ASTN1: variants seen among roughly 807,000 people sequenced by gnomAD.
The protein encoded by ASTN1 is astrotactin-1.
ASTN1 carries 41 observed loss-of-function variants against 140.7 expected under a neutral mutation model. That is an observed-to-expected ratio of 0.29 (90% CI 0.23 to 0.38). ASTN1 has a LOEUF of 0.38. ASTN1 is among the 10% of genes least tolerant of loss of function. The pLI, the probability that ASTN1 is intolerant of heterozygous loss-of-function variation, is 1.00. For missense variants in ASTN1, 1,479 were observed against 1,678.8 expected (o/e 0.88, Z 2.08); for synonymous variants, 640 against 652.2 (o/e 0.98, Z 0.29).
In ASTN1 at chr1:177,103,967, C is replaced by T. The variant is rs180728792; in HGVS notation, c.284-42702G>A. Reference sequence around the variant, plus strand: ...CCCTAGGCCAACTCAGTAAGAAATCCAAACCATGGTGCTGCTTGGGAGTTA... The same window carrying T: ...CCCTAGGCCAACTCAGTAAGAAATCTAAACCATGGTGCTGCTTGGGAGTTA... On this transcript the variant is annotated intron_variant, in intron 1 of 22. Transcript: ENST00000361833. 2.2e-4 allele frequency among the ~76,000 whole-genome samples: 34 copies of T among 152,208 alleles called. No homozygotes were observed. The East Asian group carries it at 6.6e-3, about 29-fold the overall frequency.
At chr1:176,859,963 G>A (rs1244085725), downstream of ASTN1, among the ~76,000 whole-genome samples, 1 of 152,060 alleles carries the variant, frequency 6.6e-6, no homozygotes. Context: ...CCAGTCTTGG[G>A]GTCTCAATAC....
intron 1 of ASTN1, among the ~76,000 whole-genome samples, chr1:177,080,445 T>C (rs1433522479): frequency 6.6e-6 from 1 of 152,320 alleles, no homozygotes; most frequent in African/African-American, 2.4e-5. Context: ...TATTAAATAA[T>C]TGCATAAAAT....
chr1:177,033,278 C>A (rs181031216), intron 2 of ASTN1, among the ~76,000 whole-genome samples: 10 of 152,138 alleles, frequency 6.6e-5, no homozygotes, highest in Admixed American at 6.5e-4. Flanking sequence ...TGGTTTCTTC[C>A]TGTCTCACGT....
At chr1:177,033,480 T>C (rs1156402436) in intron 2 of ASTN1, among the ~76,000 whole-genome samples, 1 of 152,214 alleles carries the variant, frequency 6.6e-6, no homozygotes, top group African/African-American at 2.4e-5. Flanking sequence ...AAAGCTGTTC[T>C]CAGCATAACC....
At chr1:177,137,124 G>A (rs972484) in intron 1 of ASTN1, among the ~76,000 whole-genome samples, 42,537 of 152,022 alleles carry the variant, frequency 0.28, 10,131 homozygotes, top group African/African-American at 0.65. Flanking sequence ...GAAAGTATAA[G>A]GAAGAAGTTT....
At chr1:177,028,937 TGTG>T (rs1175261998) in intron 5 of ASTN1, among the ~76,000 whole-genome samples, 1 of 152,090 alleles carries the variant, frequency 6.6e-6, no homozygotes, top group Non-Finnish European at 1.5e-5. Flanking sequence ...ACTCCGCTGG[TGTG>T]GTGGTGATAC....
At chr1:177,051,094 ATTTCACC>A (rs770262873) in intron 2 of ASTN1, among the ~76,000 whole-genome samples, 75 of 152,258 alleles carry the variant, frequency 4.9e-4, no homozygotes, top group Non-Finnish European at 8.7e-4. Context: ...ATGTGCTTGC[ATTTCACC>A]TGAATTTGTG....
intron 8 of ASTN1, among the ~76,000 whole-genome samples, chr1:177,000,316 A>T (rs1045377474): frequency 4.6e-5 from 7 of 152,210 alleles, no homozygotes; most frequent in Non-Finnish European, 7.3e-5. Context: ...AGAAACAGGC[A>T]TGCCATATTT....
At chr1:177,119,959 C>G (rs535040428) in intron 1 of ASTN1, among the ~76,000 whole-genome samples, 1 of 152,222 alleles carries the variant, frequency 6.6e-6, no homozygotes, top group South Asian at 2.1e-4. Context: ...CATATAGAAG[C>G]CAGGTGCCTT....
At chr1:177,150,397 G>A (rs1267604095) in intron 1 of ASTN1, among the ~76,000 whole-genome samples, 1 of 152,078 alleles carries the variant, frequency 6.6e-6, no homozygotes, top group African/African-American at 2.4e-5. Flanking sequence ...ATGTAAATTT[G>A]GGAAATTGAT....
downstream of ASTN1, among the ~76,000 whole-genome samples, chr1:176,858,578 A>G (rs1404176493): frequency 6.6e-6 from 1 of 152,220 alleles, no homozygotes; most frequent in Admixed American, 6.5e-5. Flanking sequence ...ACGGAGTGAG[A>G]GTCACAATTT....
At chr1:177,041,290 GCA>G (rs1676957542) in intron 2 of ASTN1, among the ~76,000 whole-genome samples, 1 of 152,200 alleles carries the variant, frequency 6.6e-6, no homozygotes, top group Non-Finnish European at 1.5e-5. Context: ...ATCATGGATG[GCA>G]CCCCAATCAG....
At chr1:176,922,594 TG>T (rs1314673453) in intron 16 of ASTN1, among the ~76,000 whole-genome samples, 1 of 117,322 alleles carries the variant, frequency 8.5e-6, no homozygotes, top group Non-Finnish European at 1.8e-5. Context: ...CTCACATGGG[TG>T]GGAGAAGTGG....
In ASTN1 at chr1:176,884,344, T is replaced by C. The variant is rs143925375; in HGVS notation, c.3221A>G (p.Glu1074Gly). Reference sequence around the variant, plus strand: ...ATGAAGTAGAAGGTGCTCACCTGTCTCCACTTTGGAGTGGTCCATCCTGTC... The same window carrying C: ...ATGAAGTAGAAGGTGCTCACCTGTCCCCACTTTGGAGTGGTCCATCCTGTC... ...VTDRMDHSKVETETVLSFVDD... is the reference protein window; with the variant it reads ...VTDRMDHSKVGTETVLSFVDD... Residue 1074 changes from glutamate to glycine, a missense_variant, in exon 19 of 23, where the codon GAG becomes GGG. By Grantham distance (98) the Glu-to-Gly change is moderately conservative. Around this residue, in one of 3 missense-constraint regions of ASTN1, gnomAD observed 746 missense variants for 800.9 expected, o/e 0.93. Transcript: ENST00000361833. 7 of 1,613,570 alleles carry C rather than the reference T, an allele frequency of 4.3e-6. No individual in the cohort carries two copies. In the East Asian group the frequency reaches 1.6e-4, roughly 36 times the overall value.
chr1:176,926,872 A>G (rs1351992837), intron 16 of ASTN1, among the ~76,000 whole-genome samples: 1 of 152,212 alleles, frequency 6.6e-6, no homozygotes, highest in Admixed American at 6.5e-5. Context: ...TGAAATACAC[A>G]AGGACAGGTC....
intron 1 of ASTN1, among the ~76,000 whole-genome samples, chr1:177,085,327 T>A (rs549627992): frequency 6.6e-6 from 1 of 152,332 alleles, no homozygotes; most frequent in Admixed American, 6.5e-5. Flanking sequence ...TGGTTGTATA[T>A]GTTGGAGTAG....
At position 176,862,719 on chromosome 1, in the gene ASTN1, G is replaced by T. The variant is rs1668008341; in HGVS notation, c.*1565C>A. The T allele has an allele frequency of 1.1e-5, 10 of 918,688 alleles. No individual in the cohort carries two copies. The highest frequency in any genetic ancestry group is 1.2e-5 in the Non-Finnish European group (9 of 769,304). 56.9% of individuals were successfully genotyped at this position (918,688 alleles called of 1,614,324 possible). On this transcript the variant is annotated 3_prime_UTR_variant, in exon 23 of 23. Coordinates refer to ENST00000361833, the MANE Select transcript of ASTN1 (RefSeq NM_004319.3). Reference sequence around the variant, plus strand: ...TTCCTCAACACTAAAATGGAGACAAGAATAGCACTTTCCTCAGGAGTTGCT... The same window carrying T: ...TTCCTCAACACTAAAATGGAGACAATAATAGCACTTTCCTCAGGAGTTGCT...
chr1:176,946,362 G>T (rs1671959402), intron 12 of ASTN1, among the ~76,000 whole-genome samples: 1 of 152,216 alleles, frequency 6.6e-6, no homozygotes, highest in Admixed American at 6.5e-5. Flanking sequence ...AGTGCTGTCA[G>T]AACTTTAGAG....
chr1:177,061,800 C>T (rs902645494), intron 1 of ASTN1, among the ~76,000 whole-genome samples: 1 of 152,202 alleles, frequency 6.6e-6, no homozygotes, highest in Non-Finnish European at 1.5e-5. Context: ...CAATCACTTG[C>T]TGCATAGTCC....
Sources: gnomAD v4.1 joint callset for allele counts (sites outside exome capture counted in the v4.1 genomes callset) on GRCh38, gnomAD v4.1.1 for gene constraint, gnomAD v4.1.1 regional missense constraint, MANE v1.5 for transcripts, NCBI Gene and HGNC (gene_info 2026-07-23, HGNC 2026-07-21) for gene names.